RAB43: variants seen among roughly 807,000 people sequenced by gnomAD.
RAB43 encodes RAB43, member RAS oncogene family.
Under a neutral mutation model 18.8 loss-of-function variants are expected in RAB43, and 6 were observed. The observed-to-expected ratio is 0.32, with a 90% CI of 0.17 to 0.63. RAB43 has a LOEUF of 0.63. Ranked by LOEUF, RAB43 falls within the 30% of genes least tolerant of loss-of-function variation. The pLI is 0.79. For synonymous variants in RAB43, 103 were observed against 124.1 expected, an observed-to-expected ratio of 0.83 and a Z score of 1.13; for missense variants, 195 against 289.1, an observed-to-expected ratio of 0.67 and a Z score of 2.36.
At chr3:129,113,204 C>T (rs1318665126) in intron 1 of RAB43, among the ~76,000 whole-genome samples, 41 of 148,256 alleles carry the variant, frequency 2.8e-4, no homozygotes, top group African/African-American at 9.9e-4. Context: ...CTTGCTCTGT[C>T]GCCCAGGCTG....
intron 1 of RAB43, among the ~76,000 whole-genome samples, chr3:129,109,096 T>C (rs909334346): frequency 2.0e-5 from 3 of 150,522 alleles, no homozygotes; most frequent in African/African-American, 7.3e-5. Context: ...CTTGTACTGA[T>C]CTGTAAATTA....
chr3:129,113,887 C>T (rs752076132), intron 1 of RAB43, among the ~76,000 whole-genome samples: 3 of 152,054 alleles, frequency 2.0e-5, no homozygotes, highest in Non-Finnish European at 4.4e-5. Context: ...ATTAGCTAGG[C>T]GTGGTGGTGT....
At chr3:129,111,092 T>C (rs1935138438) in intron 1 of RAB43, among the ~76,000 whole-genome samples, 1 of 152,110 alleles carries the variant, frequency 6.6e-6, no homozygotes, top group African/African-American at 2.4e-5. Flanking sequence ...GGTAGGGGAC[T>C]CCTCGAATTC....
rs575903556 is a variant in RAB43, at chr3:129,091,895, G to A, written c.389-549C>T. Among the ~76,000 whole-genome samples, 144 of 151,730 alleles carry A rather than the reference G, an allele frequency of 9.5e-4. 1 individual carries two copies. Among genetic ancestry groups the A allele is most frequent in the East Asian group, 6.4e-3 (33 of 5,168 alleles). ...AGCCTGGCCAACATGATGAAACCCC[G>A]TCTCTACTTAAAAAAAATACAAAAA... On this transcript the variant is annotated intron_variant, in intron 2 of 2. Coordinates refer to ENST00000315150, the MANE Select transcript of RAB43 (RefSeq NM_198490.3).
intron 1 of RAB43, among the ~76,000 whole-genome samples, chr3:129,102,624 C>T: frequency 4.6e-4 from 1 of 2,182 alleles, no homozygotes. Flanking sequence ...GAGCGAGACT[C>T]CATCTCAAAA....
intron 1 of RAB43, among the ~76,000 whole-genome samples, chr3:129,099,538 C>T (rs1934286187): frequency 6.6e-6 from 1 of 152,108 alleles, no homozygotes; most frequent in African/African-American, 2.4e-5. Context: ...GGGCACGTGC[C>T]ATCACACCCG....
At chr3:129,106,723 G>C (rs1934810428) in intron 1 of RAB43, among the ~76,000 whole-genome samples, 1 of 152,114 alleles carries the variant, frequency 6.6e-6, no homozygotes. Flanking sequence ...ATTCTCCTCT[G>C]CAATAGGGGA....
Position 129,091,140 on chromosome 3 carries a change from G to A in RAB43, c.595C>T (p.Leu199=), listed in dbSNP as rs1011737053. Residue 199 remains leucine, a synonymous_variant, in exon 3 of 3, where the codon CTG becomes TTG. Transcript: ENST00000315150. ...FSEKSPDHIQ[L]NSKDIGEGWG... ...CCTTCTCCGATGTCCTTGCTGTTCAGCTGGATGTGGTCGGGGCTCTTCTCG... is the reference window on the plus strand; with the variant it reads ...CCTTCTCCGATGTCCTTGCTGTTCAACTGGATGTGGTCGGGGCTCTTCTCG... The A allele has an allele frequency of 6.9e-6, 11 of 1,585,570 alleles. No homozygotes were observed. The highest frequency in any genetic ancestry group is 9.4e-6 in the Non-Finnish European group (11 of 1,164,340).
Position 129,105,447 on chromosome 3 carries a change from C to T in RAB43, c.205-10278G>A, listed in dbSNP as rs147951881. 3.7e-3 allele frequency among the ~76,000 whole-genome samples: 559 copies of T among 151,166 alleles called. 2 individuals are homozygous for T. Among genetic ancestry groups the T allele is most frequent in the African/African-American group, 0.013 (527 of 41,152 alleles). Reference sequence around the variant, plus strand: ...CAGCCTGGGCAACAGAGTGAAACTTCATCTCAAAAAACAAACAACAACAAC... The same window carrying T: ...CAGCCTGGGCAACAGAGTGAAACTTTATCTCAAAAAACAAACAACAACAAC... On this transcript the variant is annotated intron_variant, in intron 1 of 2. Transcript: ENST00000315150.
chr3:129,112,098 C>CA (rs1935207796), intron 1 of RAB43, among the ~76,000 whole-genome samples: 1 of 151,724 alleles, frequency 6.6e-6, no homozygotes, highest in East Asian at 1.9e-4. Context: ...ACTAAAAATA[C>CA]AAAAAATTAG....
intron 1 of RAB43, among the ~76,000 whole-genome samples, chr3:129,106,072 T>C (rs1461704867): frequency 1.3e-5 from 2 of 152,200 alleles, no homozygotes; most frequent in Non-Finnish European, 2.9e-5. Flanking sequence ...CTAGTTCACG[T>C]TCCCACTGAG....
In RAB43 at chr3:129,114,131, G is replaced by A. The variant is rs572124503; in HGVS notation, c.204+7155C>T. 2.0e-5 allele frequency among the ~76,000 whole-genome samples: 3 copies of A among 152,302 alleles called. No individual in the cohort carries two copies. In the East Asian group the frequency reaches 5.8e-4, roughly 29 times the overall value. On this transcript the variant is annotated intron_variant, in intron 1 of 2. Transcript: ENST00000315150. Reference sequence around the variant, plus strand: ...AGCATTTCACAGGCCAGTCTAGAAAGTGGGATTTTTCTGTCATTCACACTG... The same window carrying A: ...AGCATTTCACAGGCCAGTCTAGAAAATGGGATTTTTCTGTCATTCACACTG...
At chr3:129,101,517 A>G (rs1174314163) in intron 1 of RAB43, among the ~76,000 whole-genome samples, 1 of 152,246 alleles carries the variant, frequency 6.6e-6, no homozygotes, top group Non-Finnish European at 1.5e-5. Context: ...CCAGGCAGAC[A>G]GCACAGGGGG....
At chr3:129,108,117 C>T (rs367589334) in intron 1 of RAB43, among the ~76,000 whole-genome samples, 1 of 152,232 alleles carries the variant, frequency 6.6e-6, no homozygotes, top group African/African-American at 2.4e-5. Flanking sequence ...GCAGCCATGG[C>T]GTTCAAAGCC....
chr3:129,087,771 GC>G lies in RAB43; in HGVS notation c.*3324del, dbSNP rs1933435317. 1 of 150,758 alleles carries G rather than the reference GC, an allele frequency of 6.6e-6. No homozygotes were observed. Among genetic ancestry groups the G allele is most frequent in the South Asian group, 2.1e-4 (1 of 4,678 alleles). The allele number at this position is 150,758 out of a possible 1,614,324, so 9.3% of individuals were successfully genotyped here. A position where few individuals can be genotyped will look rare whatever the true frequency, so the allele number is the denominator to read the frequency against. On this transcript the variant is annotated 3_prime_UTR_variant, in exon 3 of 3. Coordinates refer to ENST00000315150, the MANE Select transcript of RAB43 (RefSeq NM_198490.3). ...GAAGCCCTGTTCACCCCAAGTCCAG[GC>G]CCTGCAGGGGTCCGAGGGTCTCTGC... is the stretch of plus-strand genomic sequence containing the variant.
rs111242035 is a variant in RAB43, at chr3:129,105,780, C to CA, written c.205-10612dup. On this transcript the variant is annotated intron_variant, in intron 1 of 2. Transcript: ENST00000315150. ...GGGCAACAAGAGTGAAACTCCATCT[C>CA]AAAAAAAAAAAAAAAAGTTAACATT... 4.5e-3 allele frequency among the ~76,000 whole-genome samples: 406 copies of CA among 89,548 alleles called. 1 individual carries two copies. Among genetic ancestry groups the CA allele is most frequent in the South Asian group, 8.9e-3 (25 of 2,820 alleles). 58.7% of individuals were successfully genotyped at this position (89,548 alleles called of 152,430 possible).
intron 1 of RAB43, 28 bp downstream of exon 1, chr3:129,121,258 C>G (rs776278302): frequency 2.5e-5 from 40 of 1,569,828 alleles, no homozygotes; most frequent in Non-Finnish European, 3.4e-5. Context: ...GAGGGAGCGC[C>G]TTCCAGGGGC....
intron 1 of RAB43, among the ~76,000 whole-genome samples, chr3:129,101,052 C>T (rs897774990): frequency 2.0e-5 from 3 of 152,168 alleles, no homozygotes; most frequent in Admixed American, 6.5e-5. Flanking sequence ...GTGATCCACC[C>T]GCCATGGCCT....
chr3:129,098,163 G>A (rs1011628346), intron 1 of RAB43, among the ~76,000 whole-genome samples: 1 of 152,178 alleles, frequency 6.6e-6, no homozygotes, highest in African/African-American at 2.4e-5. Context: ...ACAGTGAACA[G>A]GCCTCATTAG....
Sources: gnomAD v4.1 joint callset for allele counts (sites outside exome capture counted in the v4.1 genomes callset) on GRCh38, gnomAD v4.1.1 for gene constraint, MANE v1.5 for transcripts, NCBI Gene and HGNC (gene_info 2026-07-23, HGNC 2026-07-21) for gene names.